SNX19: variants seen among roughly 807,000 people sequenced by gnomAD.
The protein encoded by SNX19 is sorting nexin-19.
Under a neutral mutation model 85.2 loss-of-function variants are expected in SNX19, and 60 were observed. The ratio of observed to expected loss-of-function variants is 0.70; its 90% CI spans 0.57 to 0.87. The LOEUF (loss-of-function observed/expected upper bound fraction) is 0.87, where lower values mean the gene tolerates loss of function less well. Among genes scored for constraint, SNX19 ranks in the 40% least tolerant of loss-of-function variants. SNX19 has a pLI of 0.00. For synonymous variants in SNX19, 520 were observed against 470.0 expected (o/e 1.11, Z -1.38); for missense variants, 1,201 against 1,217.8 (o/e 0.99, Z 0.21).
intron 10 of SNX19, 106 bp from the exon 11 acceptor site, chr11:130,878,660 C>A (rs1365075202): frequency 2.2e-6 from 3 of 1,340,048 alleles, no homozygotes; most frequent in Non-Finnish European, 3.0e-6. Context: ...CCCTAAACTT[C>A]AATAGCTTGA....
At chr11:130,879,753 A>G in intron 9 of SNX19, 42 bp from the exon 10 acceptor site, 1 of 1,572,318 alleles carries the variant, frequency 6.4e-7, no homozygotes, top group African/African-American at 1.3e-5. Flanking sequence ...GTTATCACTG[A>G]AGTTTTAGAT....
Position 130,914,877 on chromosome 11 carries a change from G to C in SNX19, c.1063C>G (p.His355Asp), listed in dbSNP as rs773454443. ...EERKVGNNSS[H>D]FLQPNVRGPL... ...CCTCGAACATTTGGCTGTAGGAAATGAGATGAGTTGTTTCCTACTTTTCTT... is the reference window on the plus strand; with the variant it reads ...CCTCGAACATTTGGCTGTAGGAAATCAGATGAGTTGTTTCCTACTTTTCTT... Residue 355 changes from histidine (H) to aspartate (D), a missense_variant, in exon 1 of 11, where the codon CAT (histidine) becomes GAT (aspartate). Physicochemically the swap from His to Asp is moderately conservative, Grantham distance 81. Transcript: ENST00000265909. 8 of 1,614,084 alleles carry C rather than the reference G, an allele frequency of 5.0e-6. No individual in the cohort carries two copies. Among genetic ancestry groups the C allele is most frequent in the Admixed American group, 1.7e-5 (1 of 60,014 alleles).
chr11:130,914,920 C>T lies in SNX19; in HGVS notation c.1020G>A (p.Leu340=), dbSNP rs1394014469. 2.5e-6 allele frequency: 4 copies of T among 1,614,090 alleles called. No homozygotes were observed. Among genetic ancestry groups the T allele is most frequent in the Non-Finnish European group, 2.5e-6 (3 of 1,180,044 alleles). The part of the protein sequence containing the change: ...EEGHEAVEGD[L]GGMCEERKVG... ...CTTTTCTTTCTTCACACATCCCACC[C>T]AAATCTCCCTCTACAGCTTCGTGGC... Residue 340 remains leucine (L), a synonymous_variant, in exon 1 of 11, where the codon TTG becomes TTA. Transcript: ENST00000265909.
intron 2 of SNX19, among the ~76,000 whole-genome samples, chr11:130,910,721 T>G (rs73028877): frequency 2.0e-5 from 3 of 152,092 alleles, no homozygotes; most frequent in Non-Finnish European, 2.9e-5. Flanking sequence ...AAAGAGCTAA[T>G]ACGTGTAAAG....
In SNX19 at chr11:130,916,171, G is replaced by C. The variant is rs988101716; in HGVS notation, c.-232C>G. ...CCTCCAACTCGCCCCTTCCAGCTGA[G>C]GTGTGGCTTTGGAGGAAAACTCTGT... On this transcript the variant is annotated 5_prime_UTR_variant, in exon 1 of 11. Transcript: ENST00000265909. 11 of 563,666 alleles carry C rather than the reference G, an allele frequency of 2.0e-5. No individual in the cohort carries two copies. The highest frequency in any genetic ancestry group is 2.5e-5 in the Non-Finnish European group (8 of 316,562). The allele number at this position is 563,666 out of a possible 1,614,324, so 34.9% of individuals were successfully genotyped here.
rs912814955 is a variant in SNX19 at position 130,878,521 on chromosome 11, C to T, written c.2880G>A (p.Leu960=). ...CAGAGGCACTGAGATCCAAGAATTC[C>T]AGGATGATGTCCCCAAGGCAGTAAA... ...HLIYCLGDII[L]EFLDLSASVE... The change falls in exon 11 of 11, where the codon CTG becomes CTA. Residue 960 remains leucine, a synonymous_variant. Coordinates refer to ENST00000265909, the MANE Select transcript of SNX19 (RefSeq NM_014758.3). The T allele has an allele frequency of 5.0e-6, 8 of 1,613,612 alleles. No homozygotes were observed. The highest frequency in any genetic ancestry group is 6.8e-6 in the Non-Finnish European group (8 of 1,179,818).
intron 8 of SNX19, among the ~76,000 whole-genome samples, chr11:130,881,424 G>C (rs1943661683): frequency 6.6e-6 from 1 of 152,198 alleles, no homozygotes. Flanking sequence ...GTCTCTGGGT[G>C]AGCCTGCACC....
In SNX19 at chr11:130,911,647, C is replaced by T. The variant is rs1293235453; in HGVS notation, c.1799G>A (p.Arg600Gln). ...QTRLEEKPDL[R>Q]KFIKNVKGPK... ...AAACTCCTGACTTTTGATGAACTTT[C>T]GTAGATCTGGTTTCTCCTCCAGACG... The change falls in exon 2 of 11, where the codon CGA (arginine) becomes CAA (glutamine). Residue 600 changes from arginine (R) to glutamine (Q), a missense_variant. Arg to Gln is a conservative substitution (Grantham distance 43). Transcript: ENST00000265909. The T allele has an allele frequency of 2.5e-6, 4 of 1,614,108 alleles. No homozygotes were observed. Among genetic ancestry groups the T allele is most frequent in the Non-Finnish European group, 3.4e-6 (4 of 1,180,022 alleles).
Position 130,906,820 on chromosome 11 carries a change from T to G in SNX19, c.2166-99A>C, listed in dbSNP as rs1468904803. The G allele has an allele frequency of 4.7e-6, 4 of 853,220 alleles. No individual in the cohort carries two copies. The African/African-American group carries it at 5.0e-5, about 11-fold the overall frequency. The allele number at this position is 853,220 out of a possible 1,614,324, so 52.9% of individuals were successfully genotyped here. On this transcript the variant is annotated intron_variant, in intron 5 of 10. Transcript: ENST00000265909. ...CTGATAATAAAACACAACAAGAATA[T>G]CCATACTTATTCTGGGGAGCTTACT...
At chr11:130,886,289 T>C (rs944142526) in intron 8 of SNX19, among the ~76,000 whole-genome samples, 4 of 152,146 alleles carry the variant, frequency 2.6e-5, no homozygotes, top group Non-Finnish European at 4.4e-5. Flanking sequence ...TGTATGTACA[T>C]ATATATGTAT....
Position 130,869,641 on chromosome 11 carries a change from C to T in SNX19, c.*8781G>A, listed in dbSNP as rs1195723112. On this transcript the variant is annotated 3_prime_UTR_variant, in exon 11 of 11. Transcript: ENST00000265909. ...AGGGGAAGAGATGTGAATGGCTAAA[C>T]TTTCTAGTTGTGTGAATAGTTTGCA... 1 of 151,954 alleles carries T rather than the reference C, an allele frequency of 6.6e-6. No homozygotes were observed. Among genetic ancestry groups the T allele is most frequent in the African/African-American group, 2.4e-5 (1 of 41,246 alleles). 9.4% of individuals were successfully genotyped at this position (151,954 alleles called of 1,614,324 possible). A position where few individuals can be genotyped will look rare whatever the true frequency, so the allele number is the denominator to read the frequency against.
At chr11:130,902,436 A>G (rs1338530798) in intron 8 of SNX19, among the ~76,000 whole-genome samples, 1 of 152,140 alleles carries the variant, frequency 6.6e-6, no homozygotes, top group Non-Finnish European at 1.5e-5. Flanking sequence ...ATAAGGATGT[A>G]TTTTTTGAGT....
chr11:130,901,883 T>C (rs991105993), intron 8 of SNX19: 2 of 152,208 alleles, frequency 1.3e-5, no homozygotes, highest in Admixed American at 1.3e-4. Context: ...TTGTAGGTAA[T>C]AGGATACTAC....
chr11:130,912,631 G>A (rs981622978), intron 1 of SNX19, among the ~76,000 whole-genome samples: 6 of 152,184 alleles, frequency 3.9e-5, no homozygotes, highest in Non-Finnish European at 7.3e-5. Context: ...CTACCTCCTC[G>A]TTGGTGGGAG....
intron 10 of SNX19, among the ~76,000 whole-genome samples, chr11:130,879,086 A>G (rs1407281533): frequency 2.0e-5 from 3 of 152,184 alleles, no homozygotes; most frequent in African/African-American, 7.2e-5. Flanking sequence ...AGGACTCTTC[A>G]CCCAGCATTT....
Position 130,875,086 on chromosome 11 carries a change from T to TCAA in SNX19, c.*3333_*3335dup, listed in dbSNP as rs1592263538. ...TCCCATGTTCACTGCAGCATTGTTT[T>TCAA]CAACAATCAAGGCGCGGAGCCAACC... On this transcript the variant is annotated 3_prime_UTR_variant, in exon 11 of 11. Transcript: ENST00000265909. 1.3e-5 allele frequency among the ~76,000 whole-genome samples: 2 copies of TCAA among 152,356 alleles called. No homozygotes were observed. The highest frequency in any genetic ancestry group is 4.8e-5 in the African/African-American group (2 of 41,584).
Position 130,875,892 on chromosome 11 carries a change from T to A in SNX19, c.*2530A>T, listed in dbSNP as rs1318168406. ...ATGCTCCTAGGCTCAGATTTAGGAA[T>A]TTATTTTCCATTTAGGTTTTATTAA... On this transcript the variant is annotated 3_prime_UTR_variant, in exon 11 of 11. Coordinates refer to ENST00000265909, the MANE Select transcript of SNX19 (RefSeq NM_014758.3). The A allele has an allele frequency of 6.6e-6, 1 of 152,200 alleles. No individual in the cohort carries two copies. Among genetic ancestry groups the A allele is most frequent in the Non-Finnish European group, 1.5e-5 (1 of 68,032 alleles). The allele number at this position is 152,200 out of a possible 1,614,324, so 9.4% of individuals were successfully genotyped here. A position where few individuals can be genotyped will look rare whatever the true frequency, so the allele number is the denominator to read the frequency against.
At chr11:130,901,470 G>C (rs1288407659) in intron 8 of SNX19, among the ~76,000 whole-genome samples, 1 of 152,084 alleles carries the variant, frequency 6.6e-6, no homozygotes, top group African/African-American at 2.4e-5. Flanking sequence ...AAGAGGAAAA[G>C]TTAGGAACAC....
intron 8 of SNX19, 110 bp downstream of exon 8, chr11:130,903,145 G>A (rs1289184819): frequency 6.7e-7 from 1 of 1,498,906 alleles, no homozygotes. Context: ...CCCTGTAACA[G>A]AGAATCTATC....
Sources: gnomAD v4.1 joint callset for allele counts (sites outside exome capture counted in the v4.1 genomes callset) on GRCh38, gnomAD v4.1.1 for gene constraint, MANE v1.5 for transcripts, NCBI Gene and HGNC (gene_info 2026-07-23, HGNC 2026-07-21) for gene names.